The following CDK15 variants were observed in gnomAD, a reference collection of about 807,000 sequenced individuals.
CDK15 encodes cyclin-dependent kinase 15.
In CDK15, 62 loss-of-function variants were observed where a neutral mutation model predicts 60.3. The ratio of observed to expected loss-of-function variants is 1.03; its 90% confidence interval spans 0.84 to 1.27. CDK15 has a LOEUF of 1.27. CDK15 is among the 50% of genes most tolerant of loss of function. CDK15 has a pLI of 0.00. For synonymous variants in CDK15, 194 were observed against 195.7 expected (o/e 0.99, Z 0.07); for missense variants, 541 against 527.8 (o/e 1.03, Z -0.25).
At chr2:201,811,751 G>A (rs866951915) in intron 3 of CDK15, among the ~76,000 whole-genome samples, 57 of 152,308 alleles carry the variant, frequency 3.7e-4, no homozygotes, top group Non-Finnish European at 3.7e-4. Context: ...TAAGTAATGC[G>A]TGGAGATATG....
At chr2:201,873,294 C>T (rs933801742) in intron 11 of CDK15, among the ~76,000 whole-genome samples, 1 of 152,168 alleles carries the variant, frequency 6.6e-6, no homozygotes, top group African/African-American at 2.4e-5. Context: ...AGGACATCTG[C>T]ACCCTCCACT....
intron 10 of CDK15, among the ~76,000 whole-genome samples, chr2:201,872,002 C>T (rs1428256799): frequency 6.6e-6 from 1 of 152,162 alleles, no homozygotes; most frequent in African/African-American, 2.4e-5. Context: ...TCTACAATGA[C>T]CCTATTTCCA....
At chr2:201,843,008 A>G (rs1697470009) in intron 8 of CDK15, among the ~76,000 whole-genome samples, 1 of 152,270 alleles carries the variant, frequency 6.6e-6, no homozygotes, top group Middle Eastern at 3.4e-3. Context: ...AATAAAAGGA[A>G]ATAGAAGCTG....
chr2:201,813,007 G>A (rs1057452378), intron 4 of CDK15, among the ~76,000 whole-genome samples: 10 of 152,144 alleles, frequency 6.6e-5, no homozygotes, highest in Non-Finnish European at 1.3e-4. Context: ...TTTTCTCTGT[G>A]CCCTGGACAG....
chr2:201,852,878 A>G (rs1216175894), intron 9 of CDK15, among the ~76,000 whole-genome samples: 1 of 152,272 alleles, frequency 6.6e-6, no homozygotes, highest in Non-Finnish European at 1.5e-5. Context: ...AAGATTAAAA[A>G]AACTTTTTTT....
chr2:201,824,921 T>C (rs1241053876), intron 6 of CDK15: 2 of 372,266 alleles, frequency 5.4e-6, no homozygotes, highest in Non-Finnish European at 8.0e-6. Flanking sequence ...ATTTTCTAGA[T>C]ACAGCTTGTA....
At position 201,884,696 on chromosome 2, in the gene CDK15, C is replaced by G. The variant is rs575008498; in HGVS notation, c.1198+4529C>G. ...TTTTTAGTCATTTTGTTTTATTGTT[C>G]TCTTCTGAATCTGTTCCAATTATTT... On this transcript the variant is annotated intron_variant, in intron 12 of 13. Coordinates refer to ENST00000652192, the MANE Select transcript of CDK15 (RefSeq NM_001366386.2). Among the ~76,000 whole-genome samples the G allele has an allele frequency of 1.3e-5, 2 of 152,102 alleles. 1 individual carries two copies. Among genetic ancestry groups the G allele is most frequent in the Admixed American group, 1.3e-4 (2 of 15,270 alleles).
At chr2:201,879,528 T>C (rs1401382275) in intron 11 of CDK15, among the ~76,000 whole-genome samples, 1 of 152,104 alleles carries the variant, frequency 6.6e-6, no homozygotes, top group South Asian at 2.1e-4. Context: ...TACAGGTGCA[T>C]GCCACCACGC....
chr2:201,867,609 C>G, intron 10 of CDK15, among the ~76,000 whole-genome samples: 1 of 152,072 alleles, frequency 6.6e-6, no homozygotes, highest in Non-Finnish European at 1.5e-5. Context: ...CCAGCCTGGG[C>G]AACAGAATAA....
Position 201,893,403 on chromosome 2 carries a change from CTGGAA to C in CDK15, c.*138_*142del, listed in dbSNP as rs1031701309. 1 of 152,078 alleles carries C rather than the reference CTGGAA, an allele frequency of 6.6e-6. No individual in the cohort carries two copies. Among genetic ancestry groups the C allele is most frequent in the Non-Finnish European group, 1.5e-5 (1 of 68,026 alleles). The allele number at this position is 152,078 out of a possible 1,614,324, so 9.4% of individuals were successfully genotyped here. A position where few individuals can be genotyped will look rare whatever the true frequency, so the allele number is the denominator to read the frequency against. ...GGGGCTTTATGTCCTCACCTATGAC[CTGGAA>C]TAGTTTAAATATGGTGTTCAAGGCA... On this transcript the variant is annotated 3_prime_UTR_variant, in exon 14 of 14. Coordinates refer to ENST00000652192, the MANE Select transcript of CDK15 (RefSeq NM_001366386.2).
chr2:201,881,930 C>T (rs1433102408), intron 12 of CDK15, among the ~76,000 whole-genome samples: 1 of 152,132 alleles, frequency 6.6e-6, no homozygotes, highest in African/African-American at 2.4e-5. Context: ...CTTCTCTCCA[C>T]TTAAAGAAAC....
chr2:201,840,387 C>T (rs189337628), intron 8 of CDK15, among the ~76,000 whole-genome samples: 1 of 152,302 alleles, frequency 6.6e-6, no homozygotes, highest in Non-Finnish European at 1.5e-5. Context: ...GTGTTGAACT[C>T]ATTCACTATA....
At chr2:201,892,008 TC>T (rs902873570) in intron 13 of CDK15, among the ~76,000 whole-genome samples, 2 of 152,204 alleles carry the variant, frequency 1.3e-5, no homozygotes, top group African/African-American at 2.4e-5. Context: ...TTGATCTCTA[TC>T]TTTGGCTGTC....
chr2:201,860,742 T>C (rs767728524), intron 10 of CDK15: 1 of 1,352,124 alleles, frequency 7.4e-7, no homozygotes, highest in Non-Finnish European at 9.8e-7. Flanking sequence ...GACCACCAGG[T>C]GGAAGCAAGA....
chr2:201,857,981 C>T (rs150214993), intron 10 of CDK15, among the ~76,000 whole-genome samples: 135 of 152,216 alleles, frequency 8.9e-4, no homozygotes, highest in African/African-American at 3.0e-3. Flanking sequence ...CTTCCCATTC[C>T]TTTCCTTTTC....
intron 6 of CDK15, among the ~76,000 whole-genome samples, chr2:201,830,260 T>C (rs890369482): frequency 1.4e-4 from 21 of 152,106 alleles, no homozygotes; most frequent in African/African-American, 4.6e-4. Context: ...ATATATTAGA[T>C]TTTAGTAGAA....
chr2:201,827,638 T>A (rs1696566243), intron 6 of CDK15, among the ~76,000 whole-genome samples: 1 of 152,182 alleles, frequency 6.6e-6, no homozygotes, highest in African/African-American at 2.4e-5. Flanking sequence ...ACAGAGTCTC[T>A]TTTTGTTACC....
In CDK15 at chr2:201,822,876, G is replaced by C; in HGVS notation, c.516G>C (p.Glu172Asp). 6.2e-7 allele frequency: 1 copy of C among 1,612,030 alleles called. No individual in the cohort carries two copies. Residue 172 changes from glutamate to aspartate, a missense_variant, in exon 5 of 14, where the codon GAG becomes GAC. Coordinates refer to ENST00000652192, the MANE Select transcript of CDK15 (RefSeq NM_001366386.2). The stretch of plus-strand genomic sequence containing the variant: ...TGCATGACATAATCCACACCAAAGA[G>C]ACACTGACATTCGTTTTTGAATACA... ...VLLHDIIHTK[E>D]TLTFVFEYMH...
rs10931974 is a variant in CDK15 at position 201,836,170 on chromosome 2, T to A, written c.851+407T>A. 5.5e-5 allele frequency among the ~76,000 whole-genome samples: 4 copies of A among 73,358 alleles called. 1 individual carries two copies. The highest frequency in any genetic ancestry group is 1.2e-4 in the Non-Finnish European group (4 of 33,432). 48.1% of individuals were successfully genotyped at this position (73,358 alleles called of 152,430 possible). A position where few individuals can be genotyped will look rare whatever the true frequency, so the allele number is the denominator to read the frequency against. On this transcript the variant is annotated intron_variant, in intron 8 of 13. Coordinates refer to ENST00000652192, the MANE Select transcript of CDK15 (RefSeq NM_001366386.2). ...ATATATATTTTATATATTTATATAT[T>A]TATATATTATATATATTTTTTTATA... is the stretch of plus-strand genomic sequence containing the variant.
Sources: gnomAD v4.1 joint callset for allele counts (sites outside exome capture counted in the v4.1 genomes callset) on GRCh38, gnomAD v4.1.1 for gene constraint, MANE v1.5 for transcripts, NCBI Gene and HGNC (gene_info 2026-07-23, HGNC 2026-07-21) for gene names.